Variants in DIDO1 observed in about 807,000 individuals in gnomAD.
DIDO1 encodes the protein death-inducer obliterator 1.
A neutral mutation model predicts 99.4 loss-of-function variants in DIDO1; 16 were observed. The observed-to-expected ratio is 0.16, with a 90% CI of 0.11 to 0.24. The LOEUF is 0.24. DIDO1 is among the 10% of genes least tolerant of loss of function. The probability of loss-of-function intolerance (pLI) is 1.00; values close to 1 mark genes in which losing one functional copy is unlikely to be tolerated. For synonymous variants in DIDO1, 1,366 were observed against 1,239.1 expected, an observed-to-expected ratio of 1.10 and a Z score of -2.15; for missense variants, 2,996 against 3,014.0, an observed-to-expected ratio of 0.99 and a Z score of 0.14.
At chr20:62,927,062 C>T (rs2065269437), upstream of DIDO1, among the ~76,000 whole-genome samples, 1 of 26,172 alleles carries the variant, frequency 3.8e-5, no homozygotes, top group Non-Finnish European at 6.1e-5. Flanking sequence ...GAAGACCCTA[C>T]CTGCTGCCTC....
intron 13 of DIDO1, 86 bp from the exon 14 acceptor site, chr20:62,892,162 C>G: frequency 9.0e-7 from 1 of 1,107,352 alleles, no homozygotes; most frequent in Non-Finnish European, 1.3e-6. Context: ...CACACACTAC[C>G]CAAGATTCAA....
intron 1 of DIDO1, among the ~76,000 whole-genome samples, 163 bp downstream of exon 1, chr20:62,926,268 CCGCCCGCT>C (rs1457358685): frequency 1.2e-4 from 18 of 150,746 alleles, no homozygotes; most frequent in Middle Eastern, 6.8e-3. Context: ...GCCCGCCCGC[CCGCCCGCT>C]CCTTCCCTTC....
chr20:62,886,889 C>T (rs532516079), intron 15 of DIDO1, among the ~76,000 whole-genome samples: 1 of 152,328 alleles, frequency 6.6e-6, no homozygotes, highest in African/African-American at 2.4e-5. Context: ...AGTGACTTCC[C>T]CCAACCCACC....
rs752350154 is a variant in DIDO1 at position 62,881,308 on chromosome 20, G to C, written c.4648C>G (p.Pro1550Ala). 2.5e-6 allele frequency: 4 copies of C among 1,604,866 alleles called. No individual in the cohort carries two copies. Among genetic ancestry groups the C allele is most frequent in the East Asian group, 2.2e-5 (1 of 44,860 alleles). Residue 1550 changes from proline (P) to alanine (A), a missense_variant, in exon 16 of 16, where the codon CCC becomes GCC. Physicochemically the swap from Pro to Ala is conservative, Grantham distance 27. Transcript: ENST00000395343. The surrounding 1 kb of genome is among the most constrained non-coding windows in gnomAD (Gnocchi z 8.3). ...QSADKPASLPPASQASNHRDP... is the reference protein window; with the variant it reads ...QSADKPASLPAASQASNHRDP... Reference sequence around the variant, plus strand: ...CTGTGGTTTGACGCCTGGCTGGCGGGGGGCAGTGAGGCGGGCTTGTCTGCA... The same window carrying C: ...CTGTGGTTTGACGCCTGGCTGGCGGCGGGCAGTGAGGCGGGCTTGTCTGCA...
Position 62,910,957 on chromosome 20 carries a change from G to T in DIDO1, c.656C>A (p.Pro219His), listed in dbSNP as rs1030998923. 4 of 1,614,090 alleles carry T rather than the reference G, an allele frequency of 2.5e-6. No homozygotes were observed. In the Admixed American group the frequency reaches 5.0e-5, roughly 20 times the overall value. The stretch of plus-strand genomic sequence containing the variant: ...GGACACAACCCCCTGATCGTTCTCG[G>T]GCTCCTGCTTACTGGGCAGGACGCC... ...VEGVLPSKQE[P>H]ENDQGVVSQA... Residue 219 changes from proline to histidine, a missense_variant, in exon 3 of 16, where the codon CCC becomes CAC. Around this residue, in one of 5 missense-constraint regions of DIDO1, gnomAD observed 388 missense variants for 376.6 expected, o/e 1.03. Transcript: ENST00000395343.
At position 62,881,096 on chromosome 20, in the gene DIDO1, A is replaced by C. The variant is rs1019736360; in HGVS notation, c.4860T>G (p.Ala1620=). Residue 1620 remains alanine (A), a synonymous_variant, in exon 16 of 16, where the codon GCT becomes GCG. Coordinates refer to ENST00000395343, the MANE Select transcript of DIDO1 (RefSeq NM_001193369.2). This position sits in a 1 kb window ranked among gnomAD's most constrained non-coding sequence, Gnocchi z 8.3. ...EEKEPASSPW[A]SGEKPPAGSE... Reference sequence around the variant, plus strand: ...ACCCCGCTGGGGGCTTTTCGCCCGAAGCCCAGGGGGAAGAGGCTGGCTCTT... The same window carrying C: ...ACCCCGCTGGGGGCTTTTCGCCCGACGCCCAGGGGGAAGAGGCTGGCTCTT... 7 of 1,609,188 alleles carry C rather than the reference A, an allele frequency of 4.4e-6. 2 individuals carry two copies. The highest frequency in any genetic ancestry group is 2.2e-5 in the East Asian group (1 of 44,846).
rs531990605 is a variant in DIDO1 at position 62,881,320 on chromosome 20, C to T, written c.4636G>A (p.Ala1546Thr). 8.1e-6 allele frequency: 13 copies of T among 1,604,572 alleles called. No individual in the cohort carries two copies. In the South Asian group the frequency reaches 1.1e-4, roughly 14 times the overall value. ...GCCTGGCTGGCGGGGGGCAGTGAGG[C>T]GGGCTTGTCTGCAGACTGCTGCTCT... is the stretch of plus-strand genomic sequence containing the variant. ...QQEQQSADKP[A>T]SLPPASQASN... Residue 1546 changes from alanine (A) to threonine (T), a missense_variant, in exon 16 of 16, where the codon GCC becomes ACC. Ala to Thr is a moderately conservative substitution (Grantham distance 58). Around this residue, in one of 5 missense-constraint regions of DIDO1, gnomAD observed 1,562 missense variants for 1,412.6 expected, o/e 1.11. Transcript: ENST00000395343. This position sits in a 1 kb window ranked among gnomAD's most constrained non-coding sequence, Gnocchi z 8.3.
At chr20:62,887,741 G>A in intron 15 of DIDO1, 5 of 985,488 alleles carry the variant, frequency 5.1e-6, no homozygotes, top group Non-Finnish European at 6.0e-6. Context: ...TCCCTTCCAT[G>A]AACAAGGCCC....
chr20:62,905,898 A>C lies in DIDO1; in HGVS notation c.1577T>G (p.Leu526Arg). ...TAGGTGATACATACATTTATACAACAGTGACGGCGAGGGAGCAGCAGTCTT... is the reference window on the plus strand; with the variant it reads ...TAGGTGATACATACATTTATACAACCGTGACGGCGAGGGAGCAGCAGTCTT... ...PEKTAAPSPS[L>R]LYKSTKEDRR... Residue 526 changes from leucine to arginine, a missense_variant, in exon 6 of 16, where the codon CTG becomes CGG. Around this residue, in one of 5 missense-constraint regions of DIDO1, gnomAD observed 898 missense variants for 972.7 expected, o/e 0.92. Coordinates refer to ENST00000395343, the MANE Select transcript of DIDO1 (RefSeq NM_001193369.2). The C allele has an allele frequency of 6.2e-7, 1 of 1,614,152 alleles. No individual in the cohort carries two copies. Among genetic ancestry groups the C allele is most frequent in the Non-Finnish European group, 8.5e-7 (1 of 1,180,024 alleles).
chr20:62,887,942 G>A (rs187941313), intron 15 of DIDO1: 40 of 985,484 alleles, frequency 4.1e-5, no homozygotes, highest in African/African-American at 1.4e-4. Flanking sequence ...AAGACAACCC[G>A]GTGTTTCTGT....
Position 62,881,041 on chromosome 20 carries a change from C to A in DIDO1, c.4915G>T (p.Gly1639Trp). The change falls in exon 16 of 16, where the codon GGG (glycine) becomes TGG (tryptophan). Residue 1639 changes from glycine to tryptophan, a missense_variant. By Grantham distance (184) the Gly-to-Trp change is radical. Transcript: ENST00000395343. The surrounding 1 kb of genome is among the most constrained non-coding windows in gnomAD (Gnocchi z 8.3). ...SEQDGWKAEPGEGTRPATVGD... is the reference protein window; with the variant it reads ...SEQDGWKAEPWEGTRPATVGD... ...ACCGTGGCGGGGCGGGTGCCCTCCC[C>A]AGGCTCTGCCTTCCAGCCGTCCTGC... 6.2e-7 allele frequency: 1 copy of A among 1,604,912 alleles called. No homozygotes were observed. Among genetic ancestry groups the A allele is most frequent in the Non-Finnish European group, 8.5e-7 (1 of 1,178,250 alleles).
chr20:62,879,314 C>G lies in DIDO1; in HGVS notation c.6642G>C (p.Arg2214=). 8 of 1,574,740 alleles carry G rather than the reference C, an allele frequency of 5.1e-6. No individual in the cohort carries two copies. Among genetic ancestry groups the G allele is most frequent in the Non-Finnish European group, 6.9e-6 (8 of 1,162,534 alleles). ...CCCGAGCGCTCTCTTTGCTCTTGCTCCGGTCCTTGCGGTCGCGGCCCCGCT... is the reference window on the plus strand; with the variant it reads ...CCCGAGCGCTCTCTTTGCTCTTGCTGCGGTCCTTGCGGTCGCGGCCCCGCT... ...DRERGRDRKD[R]SKSKESARDP... is the part of the protein sequence containing the mutation. Residue 2214 remains arginine (R), a synonymous_variant, in exon 16 of 16, where the codon CGG becomes CGC. Transcript: ENST00000395343. The surrounding 1 kb of genome is among the most constrained non-coding windows in gnomAD (Gnocchi z 6.3).
At chr20:62,887,629 C>T (rs993280944) in intron 15 of DIDO1, 17 of 985,420 alleles carry the variant, frequency 1.7e-5, no homozygotes, top group Non-Finnish European at 1.8e-5. Context: ...GCGGAAATGA[C>T]GGGGGCTGGG....
intron 13 of DIDO1, 112 bp downstream of exon 13, chr20:62,892,696 AT>A: frequency 1.5e-6 from 2 of 1,374,786 alleles, no homozygotes; most frequent in Non-Finnish European, 1.9e-6. Context: ...AGTGTCAGGC[AT>A]TTCTGTTTCT....
At chr20:62,933,301 A>G (rs2065349602) in intron 1 of DIDO1, among the ~76,000 whole-genome samples, 1 of 152,228 alleles carries the variant, frequency 6.6e-6, no homozygotes, top group Non-Finnish European at 1.5e-5. Context: ...AATTGTTTAA[A>G]ATACTGTGAA....
intron 2 of DIDO1, among the ~76,000 whole-genome samples, chr20:62,913,963 T>C (rs1320432467): frequency 1.3e-5 from 2 of 152,258 alleles, no homozygotes; most frequent in Admixed American, 6.5e-5. Context: ...AACATTTTTA[T>C]TATTTTTTAT....
chr20:62,922,362 T>G (rs940941809), intron 1 of DIDO1, among the ~76,000 whole-genome samples: 2 of 152,026 alleles, frequency 1.3e-5, no homozygotes, highest in African/African-American at 4.8e-5. Flanking sequence ...TTCCCAGTCC[T>G]GACAGCTGCA....
chr20:62,911,484 C>CGCGTCCCCT lies in DIDO1; in HGVS notation c.120_128dup (p.Gly41_Ala43dup). 2 of 1,612,518 alleles carry CGCGTCCCCT rather than the reference C, an allele frequency of 1.2e-6. No homozygotes were observed. The highest frequency in any genetic ancestry group is 1.7e-4 in the Middle Eastern group (1 of 6,058). On this transcript the variant is annotated inframe_insertion, in exon 3 of 16. Coordinates refer to ENST00000395343, the MANE Select transcript of DIDO1 (RefSeq NM_001193369.2). The surrounding 1 kb of genome is among the most constrained non-coding windows in gnomAD (Gnocchi z 7.0). Reference sequence around the variant, plus strand: ...GTGGCGGCTCCAGTGGGTCAGCCTCCGCGTCCCCTGCGCCCTCTCGCTTGG... The same window carrying CGCGTCCCCT: ...GTGGCGGCTCCAGTGGGTCAGCCTCCGCGTCCCCTGCGTCCCCTGCGCCCTCTCGCTTGG...
intron 15 of DIDO1, chr20:62,889,604 C>A: frequency 1.0e-6 from 1 of 985,384 alleles, no homozygotes; most frequent in Non-Finnish European, 1.2e-6. Flanking sequence ...TTCACAGGTG[C>A]GGAGAGGCCA....
Sources: allele counts gnomAD v4.1 joint callset (sites outside exome capture counted in the v4.1 genomes callset), GRCh38; gene constraint gnomAD v4.1.1; regional missense constraint gnomAD v4.1.1; non-coding constraint Gnocchi (gnomAD v3.1); transcripts MANE v1.5; gene names NCBI Gene and HGNC (gene_info 2026-07-23, HGNC 2026-07-21).